Variants in HEATR1 observed in about 807,000 individuals in gnomAD.
The protein encoded by HEATR1 is HEAT repeat-containing protein 1.
A neutral mutation model predicts 248.2 loss-of-function variants in HEATR1; 77 were observed. The ratio of observed to expected loss-of-function variants is 0.31; its 90% CI spans 0.26 to 0.37. The LOEUF (loss-of-function observed/expected upper bound fraction) is 0.37, where lower values mean the gene tolerates loss of function less well. HEATR1 is among the 10% of genes least tolerant of loss of function. HEATR1 has a pLI of 1.00. For missense variants in HEATR1, 2,420 were observed against 2,504.9 expected, an observed-to-expected ratio of 0.97 and a Z score of 0.72; for synonymous variants, 897 against 923.1, an observed-to-expected ratio of 0.97 and a Z score of 0.51.
intron 32 of HEATR1, 42 bp from the exon 33 acceptor site, chr1:236,561,313 A>C: frequency 6.7e-7 from 1 of 1,484,332 alleles, no homozygotes; most frequent in Non-Finnish European, 9.4e-7. Flanking sequence ...TAGGGAAGTC[A>C]ATAATAAAAG....
chr1:236,555,320 T>C lies in HEATR1; in HGVS notation c.5899A>G (p.Asn1967Asp), dbSNP rs1126627. The change falls in exon 41 of 45, where the codon AAC becomes GAC. Residue 1967 changes from asparagine (N) to aspartate (D), a missense_variant. Physicochemically the swap from Asn to Asp is conservative, Grantham distance 23. Coordinates refer to ENST00000366582, the MANE Select transcript of HEATR1 (RefSeq NM_018072.6). ...HLVKPFADTL[N>D]QVNISKTDEA... Reference sequence around the variant, plus strand: ...CCTGTTTTGGAGATGTTCACCTGGTTCAAGGTGTCAGCAAAAGGCTTCACT... The same window carrying C: ...CCTGTTTTGGAGATGTTCACCTGGTCCAAGGTGTCAGCAAAAGGCTTCACT... The C allele has an allele frequency of 0.66, 1,061,759 of 1,613,750 alleles. 355,943 individuals are homozygous for C. The highest frequency in any genetic ancestry group is 0.7 in the Non-Finnish European group (822,779 of 1,179,876).
chr1:236,594,275 TTA>T (rs1664118207), intron 8 of HEATR1, among the ~76,000 whole-genome samples, 161 bp from the exon 9 acceptor site: 1 of 152,250 alleles, frequency 6.6e-6, no homozygotes, highest in African/African-American at 2.4e-5. Flanking sequence ...ATTTAGTCAT[TTA>T]TATTTTTTAA....
intron 19 of HEATR1, among the ~76,000 whole-genome samples, chr1:236,581,920 T>C (rs552516606): frequency 5.3e-5 from 8 of 152,292 alleles, no homozygotes; most frequent in East Asian, 1.9e-4. Flanking sequence ...TTTTTAAATA[T>C]AGTAATGGGC....
chr1:236,568,597 T>C (rs1663334932), intron 29 of HEATR1, among the ~76,000 whole-genome samples: 2 of 152,164 alleles, frequency 1.3e-5, no homozygotes, highest in South Asian at 4.1e-4. Context: ...TGTTAACAAA[T>C]TTGTCACTGT....
intron 5 of HEATR1, 32 bp from the exon 6 acceptor site, chr1:236,597,008 AAC>A (rs1664194357): frequency 6.2e-7 from 1 of 1,603,334 alleles, no homozygotes; most frequent in Admixed American, 1.7e-5. Flanking sequence ...AAACACATTT[AAC>A]AGTGAAAGGG....
At chr1:236,592,686 A>G in intron 9 of HEATR1, 53 bp from the exon 10 acceptor site, 2 of 688,868 alleles carry the variant, frequency 2.9e-6, no homozygotes, top group Non-Finnish European at 5.1e-6. Flanking sequence ...CTATTTATTG[A>G]GTACCTACTA....
At position 236,562,969 on chromosome 1, in the gene HEATR1, C is replaced by G. The variant is rs113773480; in HGVS notation, c.4599+1529G>C. On this transcript the variant is annotated intron_variant, in intron 32 of 44. Transcript: ENST00000366582. Reference sequence around the variant, plus strand: ...TGGTGAGACTAATTAGTTCAGCCAGCCTGCTTGATACAGATCACAACCTAC... The same window carrying G: ...TGGTGAGACTAATTAGTTCAGCCAGGCTGCTTGATACAGATCACAACCTAC... 1.5e-3 allele frequency among the ~76,000 whole-genome samples: 230 copies of G among 152,282 alleles called. 1 individual carries two copies. The highest frequency in any genetic ancestry group is 5.3e-3 in the African/African-American group (220 of 41,536).
chr1:236,571,020 T>G (rs905819457), intron 28 of HEATR1, among the ~76,000 whole-genome samples: 17 of 152,248 alleles, frequency 1.1e-4, no homozygotes, highest in Admixed American at 9.2e-4. Flanking sequence ...TATTAACTTT[T>G]CCCAATTAAC....
intron 21 of HEATR1, 26 bp downstream of exon 21, chr1:236,576,750 ACACT>A (rs1558184971): frequency 6.3e-7 from 1 of 1,588,830 alleles, no homozygotes. Context: ...AGGCATGAAC[ACACT>A]CAATCTTCTT....
rs750396656 is a variant in HEATR1 at position 236,566,786 on chromosome 1, C to T, written c.4168G>A (p.Val1390Ile). 1.1e-5 allele frequency: 18 copies of T among 1,613,992 alleles called. No individual in the cohort carries two copies. Among genetic ancestry groups the T allele is most frequent in the Admixed American group, 3.3e-5 (2 of 60,004 alleles). ...ISVFVDALPHVPEHRRLPILV... is the reference protein window; with the variant it reads ...ISVFVDALPHIPEHRRLPILV... ...ATGGGCAGGCGCCTGTGCTCCGGGA[C>T]GTGTGGCAGCGCATCCACAAATACA... Residue 1390 changes from valine (V) to isoleucine (I), a missense_variant, in exon 30 of 45, where the codon GTC becomes ATC. Val to Ile is a conservative substitution (Grantham distance 29, BLOSUM62 3). Transcript: ENST00000366582.
chr1:236,552,791 T>TA (rs567759305), intron 43 of HEATR1: 16 of 152,326 alleles, frequency 1.1e-4, no homozygotes, highest in African/African-American at 3.4e-4. Context: ...AGTGAATTAT[T>TA]AAAAAACCAT....
At position 236,578,908 on chromosome 1, in the gene HEATR1, G is replaced by A. The variant is rs533105208; in HGVS notation, c.2756-1959C>T. The stretch of plus-strand genomic sequence containing the variant: ...ACTGCGCTAGGGTTTTTAAAAAGAT[G>A]TCTTTGGAACAAAGAGATATCTAAA... On this transcript the variant is annotated intron_variant, in intron 20 of 44. Transcript: ENST00000366582. Among the ~76,000 whole-genome samples, 3 of 152,210 alleles carry A rather than the reference G, an allele frequency of 2.0e-5. No individual in the cohort carries two copies. In the South Asian group the frequency reaches 6.2e-4, roughly 32 times the overall value.
intron 35 of HEATR1, 152 bp downstream of exon 35, chr1:236,558,843 A>T: frequency 1.4e-6 from 1 of 735,006 alleles, no homozygotes; most frequent in Non-Finnish European, 2.2e-6. Flanking sequence ...GTTAGAATTA[A>T]CGTCACATTT....
chr1:236,600,947 T>C (rs1664306899), intron 3 of HEATR1, among the ~76,000 whole-genome samples: 1 of 152,228 alleles, frequency 6.6e-6, no homozygotes, highest in Non-Finnish European at 1.5e-5. Context: ...ATGGCATTTA[T>C]TTCAAAACAG....
chr1:236,599,630 G>A lies in HEATR1; in HGVS notation c.360-6C>T. 1 of 1,593,828 alleles carries A rather than the reference G, an allele frequency of 6.3e-7. No homozygotes were observed. Among genetic ancestry groups the A allele is most frequent in the East Asian group, 2.3e-5 (1 of 44,408 alleles). On this transcript the variant is annotated splice_region_variant and splice_polypyrimidine_tract_variant and intron_variant, in intron 3 of 44. Coordinates refer to ENST00000366582, the MANE Select transcript of HEATR1 (RefSeq NM_018072.6). ...TATAGAGATGTATATGGAACCTGGG[G>A]AAAAAAAGCAAACAGTCCAACTGAA...
chr1:236,599,438 C>A, intron 4 of HEATR1, 45 bp downstream of exon 4: 1 of 1,509,368 alleles, frequency 6.6e-7, no homozygotes, highest in South Asian at 1.3e-5. Context: ...ATCCCTTAAT[C>A]AAGATCTGTA....
Position 236,574,215 on chromosome 1 carries a change from C to A in HEATR1, c.3446G>T (p.Ser1149Ile). 6.2e-7 allele frequency: 1 copy of A among 1,605,404 alleles called. No homozygotes were observed. Among genetic ancestry groups the A allele is most frequent in the Non-Finnish European group, 8.5e-7 (1 of 1,177,732 alleles). The stretch of plus-strand genomic sequence containing the variant: ...TTTGCAGCTTACCCCTTTAAAAACA[C>A]TGCTGACAGTCTGAGCACAATGTGA... ...KNSHCAQTVS[S>I]VFKGISVNAE... The change falls in exon 24 of 45, where the codon AGT (serine) becomes ATT (isoleucine). Residue 1149 changes from serine to isoleucine, a missense_variant. Physicochemically the swap from Ser to Ile is moderately radical, Grantham distance 142 (BLOSUM62 -2). Coordinates refer to ENST00000366582, the MANE Select transcript of HEATR1 (RefSeq NM_018072.6).
At chr1:236,597,199 C>T (rs1450270237) in intron 5 of HEATR1, among the ~76,000 whole-genome samples, 1 of 150,796 alleles carries the variant, frequency 6.6e-6, no homozygotes, top group Non-Finnish European at 1.5e-5. Flanking sequence ...AATGAATACA[C>T]AATGTGACAA....
chr1:236,561,676 A>AC (rs1663137848), intron 32 of HEATR1, among the ~76,000 whole-genome samples: 1 of 152,166 alleles, frequency 6.6e-6, no homozygotes. Flanking sequence ...CACAAACAAA[A>AC]CCATCATCCC....
Sources: allele counts gnomAD v4.1 joint callset (sites outside exome capture counted in the v4.1 genomes callset), GRCh38; gene constraint gnomAD v4.1.1; transcripts MANE v1.5; gene names NCBI Gene and HGNC (gene_info 2026-07-23, HGNC 2026-07-21).